The following STX2 variants were observed in gnomAD, a reference collection of about 807,000 sequenced individuals.
STX2 encodes syntaxin-2.
Under a neutral mutation model 40.6 loss-of-function variants are expected in STX2, and 27 were observed. The observed-to-expected ratio is 0.66, with a 90% CI of 0.49 to 0.92. STX2 has a LOEUF of 0.92. Among genes scored for constraint, STX2 ranks in the 40% least tolerant of loss-of-function variants. The probability of loss-of-function intolerance (pLI) is 0.00; values close to 1 mark genes in which losing one functional copy is unlikely to be tolerated. For missense variants in STX2, 328 were observed against 366.1 expected (o/e 0.90, Z 0.85); for synonymous variants, 123 against 119.1 (o/e 1.03, Z -0.22).
chr12:130,826,803 C>A (rs1169619488), intron 2 of STX2, among the ~76,000 whole-genome samples: 1 of 151,496 alleles, frequency 6.6e-6, no homozygotes, highest in East Asian at 2.0e-4. Flanking sequence ...GAGTTTGAAA[C>A]CAGCCTAGGC....
intron 1 of STX2, among the ~76,000 whole-genome samples, chr12:130,835,304 A>T: frequency 6.6e-6 from 1 of 152,270 alleles, no homozygotes; most frequent in Non-Finnish European, 1.5e-5. Context: ...AAAAAAAAAG[A>T]GATTTGCAAT....
Position 130,833,005 on chromosome 12 carries a change from G to A in STX2, c.31-5738C>T, listed in dbSNP as rs191982993. Among the ~76,000 whole-genome samples, 159 of 152,228 alleles carry A rather than the reference G, an allele frequency of 1.0e-3. 1 individual carries two copies. Among genetic ancestry groups the A allele is most frequent in the African/African-American group, 3.5e-3 (145 of 41,544 alleles). On this transcript the variant is annotated intron_variant, in intron 1 of 10. Coordinates refer to ENST00000392373, the MANE Select transcript of STX2 (RefSeq NM_194356.4). Reference sequence around the variant, plus strand: ...CTTATTCCTTCACAGCAAGGATTGCGAAAGACACTTGATTCATCTGCTCAG... The same window carrying A: ...CTTATTCCTTCACAGCAAGGATTGCAAAAGACACTTGATTCATCTGCTCAG...
At chr12:130,827,651 C>T (rs1047333122) in intron 1 of STX2, among the ~76,000 whole-genome samples, 5 of 152,382 alleles carry the variant, frequency 3.3e-5, no homozygotes, top group East Asian at 1.9e-4. Flanking sequence ...CAGTGGCTCA[C>T]GCCTGTAATC....
At chr12:130,809,139 T>C (rs1307054250) in intron 4 of STX2, among the ~76,000 whole-genome samples, 1 of 152,218 alleles carries the variant, frequency 6.6e-6, no homozygotes, top group Non-Finnish European at 1.5e-5. Context: ...AGTGCTGGCA[T>C]TACAGGTGCG....
intron 10 of STX2, among the ~76,000 whole-genome samples, chr12:130,793,357 T>C (rs1950934923): frequency 6.6e-6 from 1 of 152,116 alleles, no homozygotes; most frequent in Non-Finnish European, 1.5e-5. Flanking sequence ...TCTTCTTCCT[T>C]TTCTCTGTGA....
rs1034865639 is a variant in STX2 at position 130,803,701 on chromosome 12, T to A, written c.464-2213A>T. Among the ~76,000 whole-genome samples the A allele has an allele frequency of 3.4e-5, 5 of 146,116 alleles. 1 individual carries two copies. The highest frequency in any genetic ancestry group is 1.4e-4 in the Admixed American group (2 of 14,668). ...AAAAAAAAAAAAAACAAACTAAAAGTTACAGTTCATGTCTCACGTTCACAA... is the reference window on the plus strand; with the variant it reads ...AAAAAAAAAAAAAACAAACTAAAAGATACAGTTCATGTCTCACGTTCACAA... On this transcript the variant is annotated intron_variant, in intron 6 of 10. Transcript: ENST00000392373.
chr12:130,805,848 C>T (rs1334100497), intron 6 of STX2, among the ~76,000 whole-genome samples: 2 of 152,136 alleles, frequency 1.3e-5, no homozygotes, highest in Non-Finnish European at 1.5e-5. Context: ...TTACCAGGCT[C>T]GCAAAGAAGC....
intron 10 of STX2, among the ~76,000 whole-genome samples, chr12:130,795,777 G>A (rs1264607472): frequency 6.6e-6 from 1 of 152,088 alleles, no homozygotes; most frequent in East Asian, 1.9e-4. Flanking sequence ...AGGTGACCTT[G>A]GTTTAAAAAT....
At chr12:130,837,089 C>T (rs552864184) in intron 1 of STX2, among the ~76,000 whole-genome samples, 1 of 151,344 alleles carries the variant, frequency 6.6e-6, no homozygotes, top group African/African-American at 2.4e-5. Context: ...ACAGCTCTCA[C>T]GTTCAATGAC....
chr12:130,798,627 C>T lies in STX2; in HGVS notation c.684G>A (p.Met228Ile). Residue 228 changes from methionine to isoleucine, a missense_variant, in exon 9 of 11, where the codon ATG (methionine) becomes ATA (isoleucine). Met to Ile is a conservative substitution (Grantham distance 10). Coordinates refer to ENST00000392373, the MANE Select transcript of STX2 (RefSeq NM_194356.4). The part of the protein sequence containing the change: ...MAMFVETQGE[M>I]INNIERNVMN... ...TAACATTTCTTTCTATGTTGTTGAT[C>T]ATTTCACCCTTAAAACAAAAAGTTT... 1 of 1,588,418 alleles carries T rather than the reference C, an allele frequency of 6.3e-7. No homozygotes were observed. The highest frequency in any genetic ancestry group is 1.2e-5 in the South Asian group (1 of 85,854).
chr12:130,838,080 A>T (rs1170374601), intron 1 of STX2, among the ~76,000 whole-genome samples: 1 of 152,212 alleles, frequency 6.6e-6, no homozygotes, highest in Non-Finnish European at 1.5e-5. Context: ...CATTACATGC[A>T]GTGGGTGTCG....
chr12:130,827,135 G>GGGGA, intron 2 of STX2, 58 bp downstream of exon 2: 1 of 761,134 alleles, frequency 1.3e-6, no homozygotes, highest in East Asian at 5.5e-5. Context: ...GGAGGGGTGG[G>GGGGA]GGGAGGGAGG....
chr12:130,795,895 T>C, intron 10 of STX2, 100 bp downstream of exon 10: 2 of 1,405,826 alleles, frequency 1.4e-6, no homozygotes, highest in Non-Finnish European at 1.9e-6. Context: ...ACTGCGTGGC[T>C]GGCAAGCTTT....
At chr12:130,812,116 C>A in intron 4 of STX2, 1 of 241,032 alleles carries the variant, frequency 4.1e-6, no homozygotes, top group Non-Finnish European at 8.2e-6. Flanking sequence ...AAGGGAGAAT[C>A]TCATTTTTAA....
In STX2 at chr12:130,805,285, ATT is replaced by A. The variant is rs533405232; in HGVS notation, c.463+1695_463+1696del. Among the ~76,000 whole-genome samples, 93 of 152,276 alleles carry A rather than the reference ATT, an allele frequency of 6.1e-4. 1 individual carries two copies. The highest frequency in any genetic ancestry group is 2.2e-3 in the African/African-American group (91 of 41,542). ...CAAACCCACCAAAATCTACAAAACG[ATT>A]TCCAAGACACTGAGCATCAGGCCAC... On this transcript the variant is annotated intron_variant, in intron 6 of 10. Transcript: ENST00000392373.
chr12:130,821,633 C>T lies in STX2; in HGVS notation c.205+56G>A, dbSNP rs115396808. On this transcript the variant is annotated intron_variant, in intron 3 of 10. Transcript: ENST00000392373. ...CCAGAGTTGAGGCCTGTGCCGCAGA[C>T]AGCCAGAGGGACACACAGACAGACA... 1,159 of 1,408,952 alleles carry T rather than the reference C, an allele frequency of 8.2e-4. 13 individuals are homozygous for T. In the African/African-American group the frequency reaches 0.015, roughly 18 times the overall value. The allele number at this position is 1,408,952 out of a possible 1,614,324, so 87.3% of individuals were successfully genotyped here.
intron 9 of STX2, among the ~76,000 whole-genome samples, chr12:130,798,136 A>G (rs1325243666): frequency 6.6e-6 from 1 of 151,850 alleles, no homozygotes; most frequent in Admixed American, 6.6e-5. Flanking sequence ...AATCCCTGCT[A>G]CTCAGGAGAC....
At chr12:130,805,368 C>A (rs1951392070) in intron 6 of STX2, among the ~76,000 whole-genome samples, 1 of 152,190 alleles carries the variant, frequency 6.6e-6, no homozygotes, top group African/African-American at 2.4e-5. Flanking sequence ...TGCCCTCAGA[C>A]GGAACTCTCG....
At chr12:130,812,890 TAAA>T in intron 4 of STX2, 64 bp downstream of exon 4, 1 of 1,145,082 alleles carries the variant, frequency 8.7e-7, no homozygotes, top group Non-Finnish European at 1.3e-6. Context: ...CAAAAACCAA[TAAA>T]GAAAAAAATA....
Sources: allele counts gnomAD v4.1 joint callset (sites outside exome capture counted in the v4.1 genomes callset), GRCh38; gene constraint gnomAD v4.1.1; transcripts MANE v1.5; gene names NCBI Gene and HGNC (gene_info 2026-07-23, HGNC 2026-07-21).